Variants in PEMT observed in about 807,000 individuals in gnomAD.
PEMT encodes the protein phosphatidylethanolamine N-methyltransferase, also known as phospholipid methyltransferase.
A neutral mutation model predicts 27.4 loss-of-function variants in PEMT; 23 were observed. That is an observed-to-expected ratio of 0.84 (90% CI 0.60 to 1.19). PEMT has a LOEUF of 1.19. Ranked by LOEUF, PEMT falls within the 50% of genes most tolerant of loss-of-function variation. The pLI is 0.00. For missense variants in PEMT, 307 were observed against 310.1 expected (o/e 0.99, Z 0.07); for synonymous variants, 137 against 139.1 (o/e 0.98, Z 0.11).
At chr17:17,528,794 G>A (rs1274137889) in intron 2 of PEMT, among the ~76,000 whole-genome samples, 1 of 152,218 alleles carries the variant, frequency 6.6e-6, no homozygotes, top group Non-Finnish European at 1.5e-5. Context: ...TGGGATTCAG[G>A]ATCCCCCAGT....
At chr17:17,581,962 G>A (rs1418850322) in intron 1 of PEMT, among the ~76,000 whole-genome samples, 3 of 152,098 alleles carry the variant, frequency 2.0e-5, no homozygotes, top group African/African-American at 7.2e-5. Context: ...CCCTCAGGAG[G>A]GTGGACCTCC....
intron 2 of PEMT, among the ~76,000 whole-genome samples, chr17:17,558,076 G>A (rs1034173006): frequency 6.6e-6 from 1 of 152,150 alleles, no homozygotes; most frequent in South Asian, 2.1e-4. Flanking sequence ...GCACAGGAGC[G>A]TATGCTTACA....
intron 2 of PEMT, among the ~76,000 whole-genome samples, chr17:17,553,207 C>G (rs1183520395): frequency 6.6e-6 from 1 of 152,162 alleles, no homozygotes; most frequent in Admixed American, 6.5e-5. Context: ...GGGGCAGGGA[C>G]AAAGAACAAG....
chr17:17,570,820 G>T (rs1304185525), intron 2 of PEMT: 1 of 985,350 alleles, frequency 1.0e-6, no homozygotes, highest in African/African-American at 1.7e-5. Context: ...TCTGGCGGGG[G>T]TGATGGCACG....
At position 17,572,328 on chromosome 17, in the gene PEMT, G is replaced by C. The variant is rs556733477; in HGVS notation, c.204+4592C>G. ...CATGCCACCTCTGCAATGGCTCCCA[G>C]CTCAGAGTCCAGGGAATGTCTCTCC... On this transcript the variant is annotated intron_variant, in intron 2 of 6. Coordinates refer to ENST00000255389, the MANE Select transcript of PEMT (RefSeq NM_148172.3). Among the ~76,000 whole-genome samples the C allele has an allele frequency of 3.3e-4, 51 of 152,288 alleles. 1 individual carries two copies. Among genetic ancestry groups the C allele is most frequent in the African/African-American group, 1.1e-3 (46 of 41,566 alleles).
Position 17,529,213 on chromosome 17 carries a change from G to A in PEMT, c.205-6818C>T, listed in dbSNP as rs1032578387. ...ACACGCTAGGCCCAGCCGGCCCGGT[G>A]ACCTGGATCACACCTGCCCTTCCCA... On this transcript the variant is annotated intron_variant, in intron 2 of 6. Transcript: ENST00000255389. 2.6e-5 allele frequency among the ~76,000 whole-genome samples: 4 copies of A among 152,214 alleles called. No homozygotes were observed. The South Asian group carries it at 6.2e-4, about 24-fold the overall frequency.
chr17:17,579,013 G>A (rs1037124473), intron 1 of PEMT, among the ~76,000 whole-genome samples: 1 of 152,208 alleles, frequency 6.6e-6, no homozygotes, highest in East Asian at 1.9e-4. Flanking sequence ...CCATAATGGT[G>A]TGTTTTGTTC....
chr17:17,551,163 TTGA>T (rs1244664921), intron 2 of PEMT, among the ~76,000 whole-genome samples: 1 of 152,068 alleles, frequency 6.6e-6, no homozygotes. Flanking sequence ...TCCTCGACTG[TTGA>T]TGAAGGAAAT....
chr17:17,527,686 T>C (rs1907777648), intron 2 of PEMT, among the ~76,000 whole-genome samples: 1 of 152,194 alleles, frequency 6.6e-6, no homozygotes, highest in Non-Finnish European at 1.5e-5. Flanking sequence ...TGTTTTGGAA[T>C]GGGCAAAAGG....
At chr17:17,591,718 C>T (rs1912601644), upstream of PEMT, 2 of 1,496,704 alleles carry the variant, frequency 1.3e-6, no homozygotes, top group Non-Finnish European at 1.8e-6. Context: ...TGCCGCCAGT[C>T]GGGGCGCTTT....
In PEMT at chr17:17,512,224, C is replaced by T. The variant is rs774888020; in HGVS notation, c.466+285G>A. 3.9e-5 allele frequency among the ~76,000 whole-genome samples: 6 copies of T among 152,200 alleles called. No individual in the cohort carries two copies. The highest frequency in any genetic ancestry group is 2.1e-4 in the South Asian group (1 of 4,826). ...CCTGCACCCAGCCCGGGCCGCAGAA[C>T]GGGCATTGAGTGCATCTTCATTAGC... On this transcript the variant is annotated intron_variant, in intron 4 of 6. Coordinates refer to ENST00000255389, the MANE Select transcript of PEMT (RefSeq NM_148172.3). The surrounding 1 kb of genome is among the most constrained non-coding windows in gnomAD (Gnocchi z 6.3).
intron 2 of PEMT, among the ~76,000 whole-genome samples, chr17:17,545,499 T>C (rs1461187099): frequency 2.0e-5 from 3 of 152,182 alleles, no homozygotes; most frequent in African/African-American, 7.2e-5. Flanking sequence ...GCCATTCCTA[T>C]GGGCCCACTG....
At chr17:17,573,213 G>A (rs904285462) in intron 2 of PEMT, among the ~76,000 whole-genome samples, 4 of 149,862 alleles carry the variant, frequency 2.7e-5, no homozygotes, top group African/African-American at 4.9e-5. Context: ...GGCCTGGCGC[G>A]GTGGCTCATG....
chr17:17,520,101 G>T (rs542120126), intron 3 of PEMT, among the ~76,000 whole-genome samples: 7 of 152,166 alleles, frequency 4.6e-5, no homozygotes, highest in South Asian at 2.1e-4. Flanking sequence ...CTGTTCCTGT[G>T]GGGGGACTCC....
chr17:17,505,956 A>G (rs1905794968), intron 6 of PEMT, 108 bp from the exon 7 acceptor site: 3 of 1,419,054 alleles, frequency 2.1e-6, no homozygotes, highest in Non-Finnish European at 2.8e-6. Flanking sequence ...TGGGACCGGG[A>G]TCCCCTTCAT....
chr17:17,579,661 C>T (rs1308243346), intron 1 of PEMT, among the ~76,000 whole-genome samples: 1 of 152,106 alleles, frequency 6.6e-6, no homozygotes, highest in East Asian at 1.9e-4. Context: ...GGTGACAGAG[C>T]AACACTTCAT....
rs1419245086 is a variant in PEMT at position 17,570,697 on chromosome 17, G to A, written c.204+6223C>T. ...GACGCCTGCCAGAAGGGCCTCCCGG[G>A]ACAGGGGAAAAGTTCCATTTCCTGG... On this transcript the variant is annotated intron_variant, in intron 2 of 6. Transcript: ENST00000255389. The A allele has an allele frequency of 3.0e-6, 3 of 985,306 alleles. No individual in the cohort carries two copies. The African/African-American group carries it at 5.2e-5, about 17-fold the overall frequency. 61.0% of individuals were successfully genotyped at this position (985,306 alleles called of 1,614,324 possible).
chr17:17,566,784 A>G (rs1240983148), intron 2 of PEMT, among the ~76,000 whole-genome samples: 1 of 152,262 alleles, frequency 6.6e-6, no homozygotes, highest in Non-Finnish European at 1.5e-5. Flanking sequence ...GCAGGGGGGC[A>G]GGTCGCGAAC....
At chr17:17,516,521 G>T (rs757618014) in intron 3 of PEMT, among the ~76,000 whole-genome samples, 2 of 152,186 alleles carry the variant, frequency 1.3e-5, no homozygotes, top group Non-Finnish European at 2.9e-5. Context: ...CTCACGACCT[G>T]TAAACAGTGG....
Sources: gnomAD v4.1 joint callset for allele counts (sites outside exome capture counted in the v4.1 genomes callset) on GRCh38, gnomAD v4.1.1 for gene constraint, Gnocchi (gnomAD v3.1) non-coding constraint, MANE v1.5 for transcripts, NCBI Gene and HGNC (gene_info 2026-07-23, HGNC 2026-07-21) for gene names.